Variants in MSR1 observed in about 807,000 individuals in gnomAD.
MSR1 encodes the protein macrophage scavenger receptor types I and II.
In MSR1, 53 loss-of-function variants were observed where a neutral mutation model predicts 47.2. That is an observed-to-expected ratio of 1.12 (90% CI 0.90 to 1.41). The LOEUF (loss-of-function observed/expected upper bound fraction) is 1.41, where lower values mean the gene tolerates loss of function less well. MSR1 is among the 40% of genes most tolerant of loss of function. The pLI, the probability that MSR1 is intolerant of heterozygous loss-of-function variation, is 0.00. For missense variants in MSR1, 786 were observed against 546.9 expected (o/e 1.44, Z -4.36); for synonymous variants, 239 against 185.6 (o/e 1.29, Z -2.34).
At chr8:16,169,560 T>A (rs953113690) in intron 3 of MSR1, among the ~76,000 whole-genome samples, 53 of 152,162 alleles carry the variant, frequency 3.5e-4, no homozygotes, top group African/African-American at 1.2e-3. Context: ...ATATACATAA[T>A]ATGGAAAAAC....
chr8:16,186,067 A>G (rs1801989362), intron 1 of MSR1: 3 of 1,115,462 alleles, frequency 2.7e-6, no homozygotes, highest in Non-Finnish European at 2.6e-6. Flanking sequence ...CCTGTGTGGT[A>G]GAAGCAGAAA....
chr8:16,166,001 C>T (rs992560309), intron 4 of MSR1, among the ~76,000 whole-genome samples: 4 of 152,014 alleles, frequency 2.6e-5, no homozygotes, highest in African/African-American at 9.7e-5. Flanking sequence ...ATGATAAATA[C>T]ACTTGACTTA....
chr8:16,134,933 CT>C (rs1326487521), intron 8 of MSR1, among the ~76,000 whole-genome samples: 2 of 152,178 alleles, frequency 1.3e-5, no homozygotes, highest in Non-Finnish European at 2.9e-5. Flanking sequence ...CTCTACCTCT[CT>C]TCAATTCTAT....
intron 8 of MSR1, chr8:16,139,245 G>T: frequency 1.0e-6 from 1 of 982,626 alleles, no homozygotes; most frequent in South Asian, 4.7e-5. Flanking sequence ...TCTGATTACA[G>T]ATTAAAAATG....
Position 16,168,776 on chromosome 8 carries a change from G to T in MSR1, c.312C>A (p.Ser104Arg). ...CTTCTTGAAATCTCATTTCCTCTTC[G>T]CTGTCATTTCCTTTTCCCGTGAGAC... ...TQSLTGKGNDSEEEMRFQEVF... is the reference protein window; with the variant it reads ...TQSLTGKGNDREEEMRFQEVF... Residue 104 changes from serine (S) to arginine (R), a missense_variant, in exon 4 of 10, where the codon AGC becomes AGA. Ser to Arg is a moderately radical substitution (Grantham distance 110). Transcript: ENST00000262101. 1.2e-6 allele frequency: 2 copies of T among 1,613,890 alleles called. No individual in the cohort carries two copies. The highest frequency in any genetic ancestry group is 1.3e-5 in the African/African-American group (1 of 74,988).
At chr8:16,162,774 T>C (rs1373820103) in intron 5 of MSR1, among the ~76,000 whole-genome samples, 34 of 151,980 alleles carry the variant, frequency 2.2e-4, no homozygotes, top group Non-Finnish European at 8.8e-5. Context: ...GACAAGTTTC[T>C]TGCAGGAGGG....
chr8:16,120,368 C>T (rs925861220), intron 9 of MSR1, 50 bp downstream of exon 9: 3 of 1,582,356 alleles, frequency 1.9e-6, no homozygotes, highest in Non-Finnish European at 2.6e-6. Flanking sequence ...CAGAATGAGA[C>T]TCTGTCTGAA....
intron 5 of MSR1, among the ~76,000 whole-genome samples, chr8:16,161,397 A>G (rs147584796): frequency 1.3e-3 from 192 of 152,096 alleles, no homozygotes; most frequent in Non-Finnish European, 1.6e-3. Context: ...AGCTTCGGAC[A>G]TTTATTTGAA....
In MSR1 at chr8:16,168,451, C is replaced by T. The variant is rs747912839; in HGVS notation, c.630+7G>A. On this transcript the variant is annotated splice_region_variant and intron_variant, in intron 4 of 9. Transcript: ENST00000262101. ...AGCAAGTGACCTTGCAGTCCACAAA[C>T]TCTTACCTCTTGTTGTTTGAAGGTA... 50 of 1,613,900 alleles carry T rather than the reference C, an allele frequency of 3.1e-5. No individual in the cohort carries two copies. The highest frequency in any genetic ancestry group is 3.9e-5 in the Non-Finnish European group (46 of 1,179,974).
chr8:16,153,581 A>C (rs1165208663), intron 6 of MSR1, among the ~76,000 whole-genome samples: 1 of 152,074 alleles, frequency 6.6e-6, no homozygotes, highest in Admixed American at 6.6e-5. Flanking sequence ...AACAAAATCA[A>C]AGATTCTTTG....
intron 8 of MSR1, among the ~76,000 whole-genome samples, chr8:16,137,807 T>C (rs781756430): frequency 6.6e-6 from 1 of 151,942 alleles, no homozygotes; most frequent in East Asian, 1.9e-4. Flanking sequence ...GCCTTGGCAA[T>C]ATAGTGAGAT....
chr8:16,189,352 T>G (rs1802101301), intron 1 of MSR1, among the ~76,000 whole-genome samples: 1 of 112,328 alleles, frequency 8.9e-6, no homozygotes, highest in East Asian at 2.5e-4. Context: ...AAATCTTATT[T>G]TATATATTTT....
chr8:16,155,787 A>C (rs767048390), intron 5 of MSR1, among the ~76,000 whole-genome samples: 5 of 151,980 alleles, frequency 3.3e-5, no homozygotes, highest in Non-Finnish European at 7.4e-5. Context: ...GAAAGGCAGG[A>C]AGGTGAAAAT....
chr8:16,119,135 C>A (rs1446646121), intron 9 of MSR1, among the ~76,000 whole-genome samples: 1 of 152,158 alleles, frequency 6.6e-6, no homozygotes, highest in Non-Finnish European at 1.5e-5. Flanking sequence ...TATTTTCTGA[C>A]ATCTCCTCTC....
At chr8:16,186,323 G>T in intron 1 of MSR1, 1 of 835,700 alleles carries the variant, frequency 1.2e-6, no homozygotes, top group Non-Finnish European at 1.9e-6. Flanking sequence ...TCACTCCCTT[G>T]GTGATCTCAC....
intron 8 of MSR1, among the ~76,000 whole-genome samples, chr8:16,137,622 A>T (rs11785952): frequency 0.95 from 144,636 of 152,148 alleles, 69,187 homozygotes; most frequent in East Asian, 1. Context: ...GCAGTAAGCC[A>T]CAGTTTATAA....
chr8:16,154,767 G>A (rs1377662563), intron 6 of MSR1, among the ~76,000 whole-genome samples: 1 of 152,006 alleles, frequency 6.6e-6, no homozygotes, highest in Non-Finnish European at 1.5e-5. Flanking sequence ...TTATATACAT[G>A]TCACTATCTA....
chr8:16,154,958 A>G lies in MSR1; in HGVS notation c.898+106T>C, dbSNP rs532260373. The G allele has an allele frequency of 7.5e-6, 7 of 927,178 alleles. No individual in the cohort carries two copies. In the South Asian group the frequency reaches 8.3e-5, roughly 11 times the overall value. 57.4% of individuals were successfully genotyped at this position (927,178 alleles called of 1,614,324 possible). On this transcript the variant is annotated intron_variant, in intron 6 of 9. Coordinates refer to ENST00000262101, the MANE Select transcript of MSR1 (RefSeq NM_138715.3). ...CATACACACACACACACACATACAC[A>G]TCCTCTGCAGGATATAAATAAAATA...
intron 8 of MSR1, among the ~76,000 whole-genome samples, chr8:16,123,647 C>G (rs11203759): frequency 0.064 from 9,742 of 151,606 alleles, 593 homozygotes; most frequent in East Asian, 0.23. Context: ...ACATTTTCTA[C>G]ATTCAAATCA....
Sources: allele counts gnomAD v4.1 joint callset (sites outside exome capture counted in the v4.1 genomes callset), GRCh38; gene constraint gnomAD v4.1.1; transcripts MANE v1.5; gene names NCBI Gene and HGNC (gene_info 2026-07-23, HGNC 2026-07-21).